Variants in ADGRB1 observed in about 807,000 individuals in gnomAD.
The protein encoded by ADGRB1 is adhesion G protein-coupled receptor B1, also known as brain-specific angiogenesis inhibitor 1.
Under a neutral mutation model 175.7 loss-of-function variants are expected in ADGRB1, and 36 were observed. The ratio of observed to expected loss-of-function variants is 0.20; its 90% CI spans 0.16 to 0.27. The LOEUF is 0.27. ADGRB1 is among the 10% of genes least tolerant of loss of function. The pLI is 1.00. For missense variants in ADGRB1, 1,731 were observed against 2,255.3 expected, an observed-to-expected ratio of 0.77 and a Z score of 4.71; for synonymous variants, 1,054 against 979.4, an observed-to-expected ratio of 1.08 and a Z score of -1.42.
intron 13 of ADGRB1, among the ~76,000 whole-genome samples, chr8:142,487,094 C>G (rs1440977206): frequency 6.6e-6 from 1 of 152,222 alleles, no homozygotes; most frequent in Non-Finnish European, 1.5e-5. Flanking sequence ...CTGATTGCTA[C>G]TACTTCAATA....
At chr8:142,458,622 C>A (rs1839805441) in intron 1 of ADGRB1, among the ~76,000 whole-genome samples, 2 of 152,120 alleles carry the variant, frequency 1.3e-5, no homozygotes, top group African/African-American at 4.8e-5. Context: ...CCAGCCCAGG[C>A]CCTCACCCTG....
chr8:142,478,378 C>T lies in ADGRB1; in HGVS notation c.1561+18C>T, dbSNP rs1464576736. ...GTGCCCAGGTCAGGGGTGCGCCAGGCTGGGGTCGGGGGGCACCTAACAAGC... is the reference window on the plus strand; with the variant it reads ...GTGCCCAGGTCAGGGGTGCGCCAGGTTGGGGTCGGGGGGCACCTAACAAGC... On this transcript the variant is annotated intron_variant, in intron 7 of 30. Transcript: ENST00000517894. 1.3e-6 allele frequency: 2 copies of T among 1,578,632 alleles called. No homozygotes were observed. The highest frequency in any genetic ancestry group is 1.7e-6 in the Non-Finnish European group (2 of 1,161,122).
chr8:142,485,689 G>A (rs1218695633), intron 13 of ADGRB1, among the ~76,000 whole-genome samples: 1 of 152,226 alleles, frequency 6.6e-6, no homozygotes, highest in African/African-American at 2.4e-5. Context: ...GTAACTGGTA[G>A]CCAGCTCCCA....
At chr8:142,481,119 G>C (rs912064902) in intron 9 of ADGRB1, 135 bp from the exon 10 acceptor site, 1 of 742,282 alleles carries the variant, frequency 1.3e-6, no homozygotes, top group African/African-American at 1.7e-5. Context: ...CTCTGCTCTC[G>C]GCGTGAGGCC....
At chr8:142,536,491 C>G (rs970854266) in intron 25 of ADGRB1, among the ~76,000 whole-genome samples, 1 of 152,154 alleles carries the variant, frequency 6.6e-6, no homozygotes, top group Admixed American at 6.5e-5. Context: ...GTGAAATCCC[C>G]CTTGACAGAG....
In ADGRB1 at chr8:142,476,621, G is replaced by T. The variant is rs1370164418; in HGVS notation, c.983G>T (p.Arg328Leu). The change falls in exon 4 of 31, where the codon CGG becomes CTG. Residue 328 changes from arginine (R) to leucine (L), a missense_variant. Arg to Leu is a moderately radical substitution (Grantham distance 102). Around this residue, in one of 8 missense-constraint regions of ADGRB1, gnomAD observed 178 missense variants for 227.8 expected, o/e 0.78. Coordinates refer to ENST00000517894, the MANE Select transcript of ADGRB1 (RefSeq NM_001702.3). ...GRTSSRSQSL[R>L]STDARRREEL... The stretch of plus-strand genomic sequence containing the variant: ...ACCAGCTCCCGGAGCCAGTCCCTGC[G>T]GTCCACAGATGCCCGGCGGCGCGAG... 2.6e-6 allele frequency: 4 copies of T among 1,548,806 alleles called. No homozygotes were observed. The highest frequency in any genetic ancestry group is 3.5e-6 in the Non-Finnish European group (4 of 1,146,380).
At chr8:142,459,332 C>A (rs938149916) in intron 1 of ADGRB1, among the ~76,000 whole-genome samples, 1 of 152,324 alleles carries the variant, frequency 6.6e-6, no homozygotes, top group Middle Eastern at 3.4e-3. Flanking sequence ...TCCTCCCAAC[C>A]GAGGGGACCT....
chr8:142,451,494 C>T (rs887013521), intron 1 of ADGRB1, among the ~76,000 whole-genome samples: 1 of 152,110 alleles, frequency 6.6e-6, no homozygotes, highest in Admixed American at 6.5e-5. Context: ...GCTGCAACTC[C>T]GGAGTAGTTG....
intron 2 of ADGRB1, among the ~76,000 whole-genome samples, chr8:142,469,382 GGAGT>G: frequency 7.2e-6 from 1 of 138,732 alleles, no homozygotes; most frequent in South Asian, 2.4e-4. Context: ...TGTGAATGTG[GGAGT>G]GTGTATGTGC....
intron 20 of ADGRB1, among the ~76,000 whole-genome samples, 197 bp downstream of exon 20, chr8:142,521,122 G>C (rs922018203): frequency 5.9e-5 from 9 of 152,136 alleles, no homozygotes; most frequent in African/African-American, 1.9e-4. Context: ...CTGGTCAGCC[G>C]GCCAAGAAGG....
At chr8:142,475,389 G>C in intron 2 of ADGRB1, 85 bp from the exon 3 acceptor site, 1 of 1,219,020 alleles carries the variant, frequency 8.2e-7, no homozygotes. Context: ...GGCCGGCCTC[G>C]GCGGGCTTAG....
In ADGRB1 at chr8:142,455,452, G is replaced by A. The variant is rs1232353607; in HGVS notation, c.-220+5348G>A. The stretch of plus-strand genomic sequence containing the variant: ...CGACAGAAGTCCTCTCTGCAGCTTC[G>A]CTGTCAGGCCCCCAACCACTTGCCT... On this transcript the variant is annotated intron_variant, in intron 1 of 30. Transcript: ENST00000517894. This position sits in a 1 kb window ranked among gnomAD's most constrained non-coding sequence, Gnocchi z 4.9. Among the ~76,000 whole-genome samples, 1 of 152,132 alleles carries A rather than the reference G, an allele frequency of 6.6e-6. No individual in the cohort carries two copies. Among genetic ancestry groups the A allele is most frequent in the Non-Finnish European group, 1.5e-5 (1 of 68,038 alleles).
At chr8:142,514,505 C>T (rs1357564262) in intron 18 of ADGRB1, among the ~76,000 whole-genome samples, 1 of 152,166 alleles carries the variant, frequency 6.6e-6, no homozygotes, top group African/African-American at 2.4e-5. Context: ...ATTTATGGCA[C>T]TTGACATAGT....
chr8:142,530,693 C>T (rs1844571175), intron 24 of ADGRB1, among the ~76,000 whole-genome samples: 1 of 152,192 alleles, frequency 6.6e-6, no homozygotes, highest in African/African-American at 2.4e-5. Context: ...GTTGCCCTTT[C>T]TTTGTCTCAA....
intron 18 of ADGRB1, among the ~76,000 whole-genome samples, chr8:142,516,460 G>A (rs184978689): frequency 1.5e-3 from 209 of 143,268 alleles, no homozygotes; most frequent in Non-Finnish European, 2.6e-3. Flanking sequence ...GTGTCTGTGC[G>A]GGCCCCAGAT....
chr8:142,455,050 C>T lies in ADGRB1; in HGVS notation c.-220+4946C>T, dbSNP rs1466723313. Among the ~76,000 whole-genome samples, 1 of 151,740 alleles carries T rather than the reference C, an allele frequency of 6.6e-6. No homozygotes were observed. Among genetic ancestry groups the T allele is most frequent in the Non-Finnish European group, 1.5e-5 (1 of 67,942 alleles). On this transcript the variant is annotated intron_variant, in intron 1 of 30. Coordinates refer to ENST00000517894, the MANE Select transcript of ADGRB1 (RefSeq NM_001702.3). The surrounding 1 kb of genome is among the most constrained non-coding windows in gnomAD (Gnocchi z 4.9). ...GTCCCCTGTCCTGCTCATCGCCAGC[C>T]GCAGCACCCTCATATTTGACACCAG... is the stretch of plus-strand genomic sequence containing the variant.
chr8:142,542,134 C>T lies in ADGRB1; in HGVS notation c.3900C>T (p.Pro1300=), dbSNP rs371373603. ...GSPRYPGGPL[P]DFPNHSLTLK... ...CCCGCTATCCCGGCGGGCCCCTGCC[C>T]GACTTCCCCAACCACTCACTGACCC... is the stretch of plus-strand genomic sequence containing the variant. The change falls in exon 28 of 31, where the codon CCC becomes CCT. Residue 1300 remains proline (P), a synonymous_variant. Coordinates refer to ENST00000517894, the MANE Select transcript of ADGRB1 (RefSeq NM_001702.3). This position sits in a 1 kb window ranked among gnomAD's most constrained non-coding sequence, Gnocchi z 6.3. 79 of 1,613,404 alleles carry T rather than the reference C, an allele frequency of 4.9e-5. No individual in the cohort carries two copies. Among genetic ancestry groups the T allele is most frequent in the African/African-American group, 2.5e-4 (19 of 74,910 alleles).
chr8:142,522,204 C>T (rs761995359), intron 21 of ADGRB1, 89 bp downstream of exon 21: 21 of 1,514,690 alleles, frequency 1.4e-5, no homozygotes, highest in East Asian at 2.3e-5. Flanking sequence ...TCTCCCCATC[C>T]CCTGTGGACC....
chr8:142,483,757 A>G (rs1237759255), intron 11 of ADGRB1, among the ~76,000 whole-genome samples: 1 of 150,732 alleles, frequency 6.6e-6, no homozygotes, highest in East Asian at 2.0e-4. Flanking sequence ...TCACATGCTG[A>G]GCCCTGACCC....
Sources: allele counts gnomAD v4.1 joint callset (sites outside exome capture counted in the v4.1 genomes callset), GRCh38; gene constraint gnomAD v4.1.1; regional missense constraint gnomAD v4.1.1; non-coding constraint Gnocchi (gnomAD v3.1); transcripts MANE v1.5; gene names NCBI Gene and HGNC (gene_info 2026-07-23, HGNC 2026-07-21).